TRIM66: variants seen among roughly 807,000 people sequenced by gnomAD.
TRIM66 encodes tripartite motif containing 66.
Under a neutral mutation model 148.2 loss-of-function variants are expected in TRIM66, and 99 were observed. The observed-to-expected ratio is 0.67, with a 90% CI of 0.57 to 0.79. TRIM66 has a LOEUF of 0.79. Ranked by LOEUF, TRIM66 falls within the 30% of genes least tolerant of loss-of-function variation. The pLI, the probability that TRIM66 is intolerant of heterozygous loss-of-function variation, is 0.00. For synonymous variants in TRIM66, 616 were observed against 635.9 expected (o/e 0.97, Z 0.47); for missense variants, 1,666 against 1,697.9 (o/e 0.98, Z 0.33).
intron 18 of TRIM66, 78 bp from the exon 19 acceptor site, chr11:8,621,897 T>C (rs2034258712): frequency 1.5e-6 from 2 of 1,340,294 alleles, no homozygotes; most frequent in Admixed American, 6.1e-5. Flanking sequence ...ACATCCATGA[T>C]CCCTGTGATG....
At position 8,638,710 on chromosome 11, in the gene TRIM66, T is replaced by G; in HGVS notation, c.2254A>C (p.Ser752Arg). Reference protein sequence around the residue: ...PQASGEETPLSVPPVDSTIQH... With the variant: ...PQASGEETPLRVPPVDSTIQH... ...ATGGTGCTGTCCACTGGGGGGACAC[T>G]GAGAGGGGTTTCTTCCCCAGACGCC... Residue 752 changes from serine to arginine, a missense_variant, in exon 15 of 25, where the codon AGT becomes CGT. Transcript: ENST00000646038. The G allele has an allele frequency of 6.5e-7, 1 of 1,549,422 alleles. No individual in the cohort carries two copies. The highest frequency in any genetic ancestry group is 8.7e-7 in the Non-Finnish European group (1 of 1,146,104).
Position 8,671,892 on chromosome 11 carries a change from C to T in TRIM66, c.234G>A (p.Met78Ile). 6.5e-7 allele frequency: 1 copy of T among 1,536,124 alleles called. No homozygotes were observed. Among genetic ancestry groups the T allele is most frequent in the South Asian group, 1.2e-5 (1 of 84,058 alleles). Residue 78 changes from methionine (M) to isoleucine (I), a missense_variant, in exon 6 of 25, where the codon ATG (methionine) becomes ATA (isoleucine). Met to Ile is a conservative substitution (Grantham distance 10). Around this residue, in one of 3 missense-constraint regions of TRIM66, gnomAD observed 1,431 missense variants for 1,412.4 expected, o/e 1.01. Transcript: ENST00000646038. ...CSLCHQDLPG[M>I]GSHLLSCQHL... is the part of the protein sequence containing the mutation. ...GCTGGCAGGATAGGAGATGAGAGCC[C>T]ATACCTGGCAGGTCCTGATGGCACA... is the stretch of plus-strand genomic sequence containing the variant.
At chr11:8,682,857 A>G (rs1456257768), upstream of TRIM66, 1 of 1,601,212 alleles carries the variant, frequency 6.2e-7, no homozygotes, top group Non-Finnish European at 8.5e-7. Flanking sequence ...TTGCCGGCGG[A>G]GACCCCTAAG....
At position 8,625,045 on chromosome 11, in the gene TRIM66, C is replaced by T; in HGVS notation, c.2494G>A (p.Val832Ile). Reference sequence around the variant, plus strand: ...AGGCTGGGCATGGCCTGGTTTTGAACACTTGTCAGGCTGGACACCATTTTG... The same window carrying T: ...AGGCTGGGCATGGCCTGGTTTTGAATACTTGTCAGGCTGGACACCATTTTG... ...PPKMVSSLTS[V>I]QNQAMPSLTT... The change falls in exon 16 of 25, where the codon GTT (valine) becomes ATT (isoleucine). Residue 832 changes from valine to isoleucine, a missense_variant. This residue lies in a region of TRIM66 where 1,431 missense variants were observed against 1,412.4 expected (regional missense o/e 1.01). Coordinates refer to ENST00000646038, the MANE Select transcript of TRIM66 (RefSeq NM_001388022.1). 6.4e-7 allele frequency: 1 copy of T among 1,551,730 alleles called. No homozygotes were observed. The highest frequency in any genetic ancestry group is 2.0e-5 in the Admixed American group (1 of 51,014).
chr11:8,636,208 G>T (rs1307711999), intron 15 of TRIM66, among the ~76,000 whole-genome samples: 1 of 151,826 alleles, frequency 6.6e-6, no homozygotes, highest in Non-Finnish European at 1.5e-5. Flanking sequence ...TTTAACGCAT[G>T]ATTTCATCTC....
rs1310515732 is a variant in TRIM66 at position 8,645,865 on chromosome 11, C to T, written c.980G>A (p.Arg327Gln). ...ELEGITNERK[R>Q]KLEQQLQSIM... ...GCTCTGTAACTGCTGTTCCAGCTTC[C>T]GCTTTCTCTCATTAGTAATCCCCTG... Residue 327 changes from arginine (R) to glutamine (Q), a missense_variant, in exon 12 of 25, where the codon CGG becomes CAG. Transcript: ENST00000646038. 8 of 1,551,536 alleles carry T rather than the reference C, an allele frequency of 5.2e-6. No individual in the cohort carries two copies. The highest frequency in any genetic ancestry group is 1.7e-4 in the Middle Eastern group (1 of 6,012).
intron 12 of TRIM66, 95 bp from the exon 13 acceptor site, chr11:8,643,221 G>T: frequency 9.7e-7 from 1 of 1,028,674 alleles, no homozygotes; most frequent in Non-Finnish European, 1.4e-6. Flanking sequence ...AAGGCTCAAA[G>T]TCATGGCCCT....
chr11:8,640,226 C>T lies in TRIM66; in HGVS notation c.2148+1G>A, dbSNP rs1309141742. 1.9e-6 allele frequency: 3 copies of T among 1,550,634 alleles called. No individual in the cohort carries two copies. The highest frequency in any genetic ancestry group is 2.0e-5 in the Admixed American group (1 of 50,960). On this transcript the variant is annotated splice_donor_variant, in intron 14 of 24. Coordinates refer to ENST00000646038, the MANE Select transcript of TRIM66 (RefSeq NM_001388022.1). LOFTEE classifies it high-confidence loss of function. ...GCACGCCAAGCCACCCTGACGCTTA[C>T]CTGCAGGGTCTCCTCCTGGCTCTGG...
Position 8,671,844 on chromosome 11 carries a change from GA to G in TRIM66, c.281del (p.Phe94SerfsTer4). On this transcript the variant is annotated frameshift_variant, in exon 6 of 25. Coordinates refer to ENST00000646038, the MANE Select transcript of TRIM66 (RefSeq NM_001388022.1). LOFTEE classifies it high-confidence loss of function. ...SCQHLLRKDCFQGLIQELGQI... is the reference protein window; with the variant it reads ...SCQHLLRKDCXQGLIQELGQI... The stretch of plus-strand genomic sequence containing the variant: ...GCCCTAGCTCCTGTATCAAGCCCTG[GA>G]AGCAGTCCTTACGGAGCAAATGCTG... The G allele has an allele frequency of 6.5e-7, 1 of 1,531,884 alleles. No individual in the cohort carries two copies. Among genetic ancestry groups the G allele is most frequent in the Non-Finnish European group, 8.7e-7 (1 of 1,143,070 alleles). The allele number at this position is 1,531,884 out of a possible 1,614,324, so 94.9% of individuals were successfully genotyped here.
Position 8,641,069 on chromosome 11 carries a change from G to C in TRIM66, c.1306C>G (p.Gln436Glu), listed in dbSNP as rs1592100858. 2 of 1,551,710 alleles carry C rather than the reference G, an allele frequency of 1.3e-6. No individual in the cohort carries two copies. Among genetic ancestry groups the C allele is most frequent in the African/African-American group, 2.7e-5 (2 of 73,166 alleles). Residue 436 changes from glutamine (Q) to glutamate (E), a missense_variant, in exon 14 of 25, where the codon CAA becomes GAA. Transcript: ENST00000646038. ...GGLQGSSPFY[Q>E]SHQSPVAQQE... ...TGAGCCACTGGAGACTGGTGGCTTT[G>C]ATAAAAGGGTGATGACCCCTGTAAG...
At chr11:8,683,173 G>C (rs766816527), upstream of TRIM66, 2 of 1,612,060 alleles carry the variant, frequency 1.2e-6, no homozygotes, top group Non-Finnish European at 1.7e-6. Flanking sequence ...TAATTCCTTA[G>C]GCCTTACCAC....
chr11:8,666,341 G>GAAAAA (rs558326812), intron 6 of TRIM66, among the ~76,000 whole-genome samples: 5 of 23,538 alleles, frequency 2.1e-4, no homozygotes, highest in Non-Finnish European at 5.3e-4. Flanking sequence ...CTCCGCCTCA[G>GAAAAA]AAAAAAAAAA....
At chr11:8,681,519 C>T (rs1372820175) in intron 1 of TRIM66, among the ~76,000 whole-genome samples, 1 of 152,126 alleles carries the variant, frequency 6.6e-6, no homozygotes, top group Non-Finnish European at 1.5e-5. Context: ...CACACATACA[C>T]ACAGAGAATA....
Position 8,612,097 on chromosome 11 carries a change from T to C in TRIM66, c.*5847A>G, listed in dbSNP as rs1270342804. The C allele has an allele frequency of 5.9e-5, 9 of 152,146 alleles. 1 individual carries two copies. The East Asian group carries it at 1.7e-3, about 29-fold the overall frequency. 9.4% of individuals were successfully genotyped at this position (152,146 alleles called of 1,614,324 possible). A position where few individuals can be genotyped will look rare whatever the true frequency, so the allele number is the denominator to read the frequency against. On this transcript the variant is annotated 3_prime_UTR_variant, in exon 25 of 25. Coordinates refer to ENST00000646038, the MANE Select transcript of TRIM66 (RefSeq NM_001388022.1). ...CTTGAATGTATAGGTTCTTTTAAAA[T>C]CAGCTATACTTCCCTTTAAAATATC...
chr11:8,677,591 C>A (rs991946088), intron 3 of TRIM66, among the ~76,000 whole-genome samples: 1 of 151,948 alleles, frequency 6.6e-6, no homozygotes, highest in African/African-American at 2.4e-5. Context: ...CCAGCCTGGG[C>A]AACATACAAG....
intron 1 of TRIM66, among the ~76,000 whole-genome samples, chr11:8,681,618 G>C (rs993231875): frequency 1.3e-5 from 2 of 151,388 alleles, no homozygotes; most frequent in African/African-American, 4.8e-5. Context: ...TTGAACACTG[G>C]TTGAAGGAAC....
Position 8,640,927 on chromosome 11 carries a change from G to T in TRIM66, c.1448C>A (p.Pro483Gln), listed in dbSNP as rs552975454. Reference sequence around the variant, plus strand: ...GCTGTGGGCTGGGTGTATGCTGGGTGGGGGGACCTGGCCTTTGAGGGAAGG... The same window carrying T: ...GCTGTGGGCTGGGTGTATGCTGGGTTGGGGGACCTGGCCTTTGAGGGAAGG... ...VSPSLKGQVPPPSIHPAHSFR... is the reference protein window; with the variant it reads ...VSPSLKGQVPQPSIHPAHSFR... The change falls in exon 14 of 25, where the codon CCA becomes CAA. Residue 483 changes from proline to glutamine, a missense_variant. Pro to Gln is a moderately conservative substitution (Grantham distance 76). This residue lies in a region of TRIM66 where 1,431 missense variants were observed against 1,412.4 expected (regional missense o/e 1.01). Transcript: ENST00000646038. 1 of 1,550,950 alleles carries T rather than the reference G, an allele frequency of 6.4e-7. No individual in the cohort carries two copies. Among genetic ancestry groups the T allele is most frequent in the Non-Finnish European group, 8.7e-7 (1 of 1,146,964 alleles).
At chr11:8,618,443 T>C (rs923195593) in intron 24 of TRIM66, among the ~76,000 whole-genome samples, 4 of 152,196 alleles carry the variant, frequency 2.6e-5, no homozygotes, top group Non-Finnish European at 4.4e-5. Context: ...ACAATCACAG[T>C]GTGGAGTAAC....
rs1363164845 is a variant in TRIM66 at position 8,624,934 on chromosome 11, C to T, written c.2605G>A (p.Ala869Thr). 3 of 1,551,646 alleles carry T rather than the reference C, an allele frequency of 1.9e-6. No homozygotes were observed. Among genetic ancestry groups the T allele is most frequent in the East Asian group, 2.4e-5 (1 of 40,898 alleles). The change falls in exon 16 of 25, where the codon GCT becomes ACT. Residue 869 changes from alanine to threonine, a missense_variant. Ala to Thr is a moderately conservative substitution (Grantham distance 58, BLOSUM62 0). Transcript: ENST00000646038. The part of the protein sequence containing the change: ...MPNLISDSPQ[A>T]MASLASDHPQ... ...TGATCACTTGCCAGGCTTGCCATAG[C>T]CTGAGGGGAGTCACTTATCAGGTTG...
Sources: gnomAD v4.1 joint callset for allele counts (sites outside exome capture counted in the v4.1 genomes callset) on GRCh38, gnomAD v4.1.1 for gene constraint, gnomAD v4.1.1 regional missense constraint, MANE v1.5 for transcripts, NCBI Gene and HGNC (gene_info 2026-07-23, HGNC 2026-07-21) for gene names.